LRRC28: variants seen among roughly 807,000 people sequenced by gnomAD.
LRRC28 encodes leucine rich repeat containing 28.
In LRRC28, 39 loss-of-function variants were observed where a neutral mutation model predicts 45.7. The ratio of observed to expected loss-of-function variants is 0.85; its 90% CI spans 0.66 to 1.12. The LOEUF (loss-of-function observed/expected upper bound fraction) is 1.12. Ranked by LOEUF, LRRC28 falls within the 50% of genes most tolerant of loss-of-function variation. LRRC28 has a pLI of 0.00. For synonymous variants in LRRC28, 206 were observed against 178.8 expected (o/e 1.15, Z -1.22); for missense variants, 435 against 438.5 (o/e 0.99, Z 0.07).
chr15:99,259,520 G>A lies in LRRC28; in HGVS notation c.168+3395G>A, dbSNP rs866209902. 1.2e-4 allele frequency: 142 copies of A among 1,167,244 alleles called. 8 individuals are homozygous for A. In the South Asian group the frequency reaches 1.7e-3, roughly 14 times the overall value. The allele number at this position is 1,167,244 out of a possible 1,614,324, so 72.3% of individuals were successfully genotyped here. A position where few individuals can be genotyped will look rare whatever the true frequency, so the allele number is the denominator to read the frequency against. On this transcript the variant is annotated intron_variant, in intron 2 of 9. Transcript: ENST00000301981. ...TAAGGACAAGATTGAAAAGGCTATG[G>A]TATCTCAGTGCCTGACAGAATCTCT...
rs915232179 is a variant in LRRC28, at chr15:99,289,898, A to G, written c.385+1947A>G. 2.3e-5 allele frequency among the ~76,000 whole-genome samples: 3 copies of G among 130,928 alleles called. No individual in the cohort carries two copies. In the Admixed American group the frequency reaches 2.7e-4, roughly 12 times the overall value. 85.9% of individuals were successfully genotyped at this position (130,928 alleles called of 152,430 possible). On this transcript the variant is annotated intron_variant, in intron 5 of 9. Transcript: ENST00000301981. ...CAGTGAGCCGAGATTGCGCCACTGC[A>G]GTCCGCAGTCCGGCCTGGGCGACAG...
At chr15:99,376,947 A>G (rs531193184) in intron 9 of LRRC28, among the ~76,000 whole-genome samples, 3 of 152,102 alleles carry the variant, frequency 2.0e-5, no homozygotes, top group Non-Finnish European at 4.4e-5. Context: ...TCTATCATTG[A>G]TGGACATTTG....
At chr15:99,285,006 C>T in intron 3 of LRRC28, 1 of 643,006 alleles carries the variant, frequency 1.6e-6, no homozygotes. Context: ...GCCTCTTTGG[C>T]TGGATGAAGC....
chr15:99,287,152 TG>T, intron 3 of LRRC28, 104 bp from the exon 4 acceptor site: 1 of 899,026 alleles, frequency 1.1e-6, no homozygotes. Flanking sequence ...GCAAAAGTTG[TG>T]GCCTATTTAT....
intron 5 of LRRC28, among the ~76,000 whole-genome samples, chr15:99,314,184 C>G (rs1174141727): frequency 6.6e-6 from 1 of 152,050 alleles, no homozygotes; most frequent in African/African-American, 2.4e-5. Flanking sequence ...GTGGCTCATC[C>G]CTGTAATCCT....
chr15:99,273,139 A>G (rs1447105819), intron 2 of LRRC28, among the ~76,000 whole-genome samples: 1 of 152,246 alleles, frequency 6.6e-6, no homozygotes, highest in African/African-American at 2.4e-5. Context: ...GAGTGATATT[A>G]TGGAACACCA....
intron 1 of LRRC28, among the ~76,000 whole-genome samples, chr15:99,253,476 G>A (rs1252211386): frequency 1.3e-5 from 2 of 152,142 alleles, no homozygotes; most frequent in East Asian, 3.9e-4. Flanking sequence ...TGCTTTCTAG[G>A]CTAAGAGGAG....
chr15:99,275,304 C>T (rs12907938), intron 2 of LRRC28, among the ~76,000 whole-genome samples: 14,557 of 152,200 alleles, frequency 0.096, 984 homozygotes, highest in East Asian at 0.32. Context: ...GCTCTGACTT[C>T]TTCTGGGTAA....
intron 5 of LRRC28, 80 bp from the exon 6 acceptor site, chr15:99,333,843 A>ATAGCCAATG: frequency 7.1e-7 from 1 of 1,403,594 alleles, no homozygotes; most frequent in South Asian, 1.2e-5. Flanking sequence ...TCATTTGGTT[A>ATAGCCAATG]AACTGTTATA....
At chr15:99,381,500 G>A (rs1314239139) in intron 9 of LRRC28, among the ~76,000 whole-genome samples, 1 of 152,182 alleles carries the variant, frequency 6.6e-6, no homozygotes, top group Non-Finnish European at 1.5e-5. Context: ...GCTTGGAGAA[G>A]TTTGATCTTC....
Position 99,352,468 on chromosome 15 carries a change from GT to G in LRRC28, c.693del (p.Ser231ArgfsTer12), listed in dbSNP as rs1218557210. 8 of 1,610,922 alleles carry G rather than the reference GT, an allele frequency of 5.0e-6. No individual in the cohort carries two copies. The highest frequency in any genetic ancestry group is 6.8e-6 in the Non-Finnish European group (8 of 1,178,242). On this transcript the variant is annotated frameshift_variant and splice_region_variant, in exon 7 of 10. Transcript: ENST00000301981. LOFTEE classifies it high-confidence loss of function. The stretch of plus-strand genomic sequence containing the variant: ...CTGTACAATAAAGTCATCGGGTGCA[GT>G]GGGTAAGGCCGATTTCACATTTTGA... Reference protein sequence around the residue: ...SYLYNKVIGCSGCGAPIQVSE... With the variant: ...SYLYNKVIGCXGCGAPIQVSE...
chr15:99,367,440 A>G (rs1282648349), intron 9 of LRRC28, among the ~76,000 whole-genome samples: 1 of 152,064 alleles, frequency 6.6e-6, no homozygotes, highest in Non-Finnish European at 1.5e-5. Flanking sequence ...CACAAGAGAC[A>G]AAGAAAATCA....
chr15:99,368,583 TTAAGTA>T (rs1957400936), intron 9 of LRRC28, among the ~76,000 whole-genome samples: 2 of 152,190 alleles, frequency 1.3e-5, no homozygotes, highest in Admixed American at 1.3e-4. Context: ...TTTCTTCTCT[TTAAGTA>T]TAACATATGT....
intron 2 of LRRC28, among the ~76,000 whole-genome samples, chr15:99,268,142 T>G (rs943686815): frequency 3.3e-5 from 5 of 152,198 alleles, no homozygotes; most frequent in African/African-American, 1.2e-4. Flanking sequence ...AGCACCACCA[T>G]GTCGTTAAAA....
chr15:99,271,285 A>G (rs76505328), intron 2 of LRRC28, among the ~76,000 whole-genome samples: 5 of 145,982 alleles, frequency 3.4e-5, no homozygotes, highest in African/African-American at 7.6e-5. Flanking sequence ...CAGTGTATCT[A>G]TTTTTTTTTT....
At chr15:99,257,655 C>T in intron 2 of LRRC28, 1 of 729,748 alleles carries the variant, frequency 1.4e-6, no homozygotes, top group Non-Finnish European at 2.6e-6. Context: ...GTGCTGGGGC[C>T]TCTGCTGCGT....
intron 5 of LRRC28, among the ~76,000 whole-genome samples, chr15:99,328,285 C>T (rs1017449354): frequency 7.9e-5 from 12 of 152,218 alleles, no homozygotes; most frequent in Admixed American, 5.9e-4. Flanking sequence ...GTTGAAAGAT[C>T]GAGTTTCCTA....
intron 2 of LRRC28, among the ~76,000 whole-genome samples, chr15:99,274,899 T>C (rs1234479621): frequency 2.0e-5 from 3 of 152,208 alleles, no homozygotes; most frequent in Non-Finnish European, 2.9e-5. Flanking sequence ...CATCCTCTTA[T>C]AATTTATGTC....
In LRRC28 at chr15:99,255,479, A is replaced by G. The variant is rs895118208; in HGVS notation, c.-60-419A>G. Among the ~76,000 whole-genome samples, 3 of 152,204 alleles carry G rather than the reference A, an allele frequency of 2.0e-5. No homozygotes were observed. The East Asian group carries it at 5.8e-4, about 29-fold the overall frequency. On this transcript the variant is annotated intron_variant, in intron 1 of 9. Coordinates refer to ENST00000301981, the MANE Select transcript of LRRC28 (RefSeq NM_144598.5). ...TATTAGTGCTCTAGATATAAATAAT[A>G]TATATTTTAATATTTTTGAAGTACC... is the stretch of plus-strand genomic sequence containing the variant.
Sources: gnomAD v4.1 joint callset for allele counts (sites outside exome capture counted in the v4.1 genomes callset) on GRCh38, gnomAD v4.1.1 for gene constraint, MANE v1.5 for transcripts, NCBI Gene and HGNC (gene_info 2026-07-23, HGNC 2026-07-21) for gene names.